Variants in PPFIA4 observed in about 807,000 individuals in gnomAD.
PPFIA4 encodes the protein PPFI scaffold protein A4.
PPFIA4 carries 98 observed loss-of-function variants against 145.7 expected under a neutral mutation model. The ratio of observed to expected loss-of-function variants is 0.67; its 90% CI spans 0.57 to 0.80. The LOEUF (loss-of-function observed/expected upper bound fraction) is 0.80. Ranked by LOEUF, PPFIA4 falls within the 30% of genes least tolerant of loss-of-function variation. The probability of loss-of-function intolerance (pLI) is 0.00; values close to 1 mark genes in which losing one functional copy is unlikely to be tolerated. For synonymous variants in PPFIA4, 628 were observed against 649.6 expected (o/e 0.97, Z 0.51); for missense variants, 1,457 against 1,632.7 (o/e 0.89, Z 1.85).
intron 1 of PPFIA4, among the ~76,000 whole-genome samples, chr1:203,032,132 C>G (rs558448830): frequency 6.6e-6 from 1 of 151,564 alleles, no homozygotes; most frequent in South Asian, 2.1e-4. Flanking sequence ...TCTTCATGGA[C>G]TTGGAATCCT....
intron 1 of PPFIA4, chr1:203,037,121 A>G: frequency 3.3e-6 from 1 of 303,226 alleles, no homozygotes; most frequent in Admixed American, 3.9e-5. Context: ...CCTCAGATCT[A>G]GACCCCACAT....
rs377169662 is a variant in PPFIA4, at chr1:203,053,890, C to T, written c.1758C>T (p.Ser586=). 1.8e-5 allele frequency: 28 copies of T among 1,563,866 alleles called. No homozygotes were observed. The highest frequency in any genetic ancestry group is 4.7e-5 in the South Asian group (4 of 84,764). The stretch of plus-strand genomic sequence containing the variant: ...GCTCTGCGGATGTTGTCTCCCCCAG[C>T]GGCCACTCAGATGCCCAGACCCTGG... ...LVGSADVVSP[S]GHSDAQTLAM... is the part of the protein sequence containing the mutation. Residue 586 remains serine, a synonymous_variant, in exon 15 of 30, where the codon AGC becomes AGT. Coordinates refer to ENST00000295706, the MANE Select transcript of PPFIA4 (RefSeq NM_001304331.2).
chr1:203,067,054 A>T (rs551157550), intron 25 of PPFIA4, among the ~76,000 whole-genome samples: 1 of 152,206 alleles, frequency 6.6e-6, no homozygotes, highest in Non-Finnish European at 1.5e-5. Flanking sequence ...AGTTGGACTG[A>T]GAAGGTGACA....
intron 18 of PPFIA4, 86 bp downstream of exon 18, chr1:203,056,594 C>A: frequency 6.7e-7 from 1 of 1,503,458 alleles, no homozygotes; most frequent in Non-Finnish European, 9.0e-7. Flanking sequence ...CCGCATCTCC[C>A]CTGTCCCAGT....
At chr1:203,056,239 G>A (rs1660936028) in intron 17 of PPFIA4, 84 bp downstream of exon 17, 11 of 1,604,022 alleles carry the variant, frequency 6.9e-6, no homozygotes, top group Non-Finnish European at 9.4e-6. Context: ...CAGGGCCCTT[G>A]AGTCTGAGTC....
Position 203,045,356 on chromosome 1 carries a change from C to T in PPFIA4, c.667-12C>T, listed in dbSNP as rs1367431551. The T allele has an allele frequency of 6.4e-7, 1 of 1,571,196 alleles. No individual in the cohort carries two copies. Among genetic ancestry groups the T allele is most frequent in the South Asian group, 1.2e-5 (1 of 83,138 alleles). On this transcript the variant is annotated splice_polypyrimidine_tract_variant and intron_variant, in intron 6 of 29. Transcript: ENST00000295706. Reference sequence around the variant, plus strand: ...GCTGTGACTCACAGAGCTACTGTCCCTATCCCTGGAGGAGGATACGGGCCG... The same window carrying T: ...GCTGTGACTCACAGAGCTACTGTCCTTATCCCTGGAGGAGGATACGGGCCG...
intron 28 of PPFIA4, among the ~76,000 whole-genome samples, chr1:203,073,468 A>G (rs1662308201): frequency 6.6e-6 from 1 of 152,158 alleles, no homozygotes; most frequent in Non-Finnish European, 1.5e-5. Flanking sequence ...TGGGAAGCGT[A>G]GAGTAGAAGC....
At chr1:203,038,146 A>T (rs1659435455) in intron 1 of PPFIA4, among the ~76,000 whole-genome samples, 1 of 152,188 alleles carries the variant, frequency 6.6e-6, no homozygotes, top group Non-Finnish European at 1.5e-5. Context: ...TAGGACTCAC[A>T]GCCACTCCCA....
intron 14 of PPFIA4, among the ~76,000 whole-genome samples, chr1:203,052,565 T>G (rs756119447): frequency 2.0e-5 from 3 of 152,140 alleles, no homozygotes; most frequent in Non-Finnish European, 4.4e-5. Flanking sequence ...CTCAGTCCGA[T>G]GGGGGAGTCA....
intron 1 of PPFIA4, among the ~76,000 whole-genome samples, chr1:203,033,821 T>TA (rs1217514396): frequency 1.3e-5 from 2 of 151,832 alleles, no homozygotes; most frequent in South Asian, 2.1e-4. Context: ...CTACTAAAAA[T>TA]AAAAAAAATA....
At chr1:203,054,164 C>T (rs373166121) in intron 15 of PPFIA4, 1 of 715,572 alleles carries the variant, frequency 1.4e-6, no homozygotes, top group African/African-American at 1.7e-5. Flanking sequence ...CAGGCTTCAC[C>T]TCCCCTCTCA....
At chr1:203,033,912 G>A (rs1659024763) in intron 1 of PPFIA4, among the ~76,000 whole-genome samples, 1 of 152,226 alleles carries the variant, frequency 6.6e-6, no homozygotes, top group African/African-American at 2.4e-5. Flanking sequence ...GAACCCGGGA[G>A]GTGGCCATGT....
In PPFIA4 at chr1:203,054,260, C is replaced by T. The variant is rs898641300; in HGVS notation, c.1829+299C>T. ...GATCTTAACCACTAAGAGTGTAGCT[C>T]CTGCTTACTGAGGCTAGCTCAGGGT... On this transcript the variant is annotated intron_variant, in intron 15 of 29. Coordinates refer to ENST00000295706, the MANE Select transcript of PPFIA4 (RefSeq NM_001304331.2). 18 of 614,504 alleles carry T rather than the reference C, an allele frequency of 2.9e-5. 1 individual carries two copies. In the South Asian group the frequency reaches 3.3e-4, roughly 11 times the overall value. The allele number at this position is 614,504 out of a possible 1,614,324, so 38.1% of individuals were successfully genotyped here.
At chr1:203,069,763 G>C (rs2364570) in intron 27 of PPFIA4, among the ~76,000 whole-genome samples, 59,098 of 104,190 alleles carry the variant, frequency 0.57, 14,251 homozygotes, top group Middle Eastern at 0.64. Context: ...TGACCCCCCC[G>C]CCCCGCCCCC....
At position 203,078,068 on chromosome 1, in the gene PPFIA4, G is replaced by A. The variant is rs550343518; in HGVS notation, c.*1678G>A. ...GGCTTAAAGCCCGCTGCTCCTTTTC[G>A]GTAGAGGAGAGGCCCATCACTGGTG... On this transcript the variant is annotated 3_prime_UTR_variant, in exon 30 of 30. Coordinates refer to ENST00000295706, the MANE Select transcript of PPFIA4 (RefSeq NM_001304331.2). The A allele has an allele frequency of 3.9e-5, 6 of 152,228 alleles. No individual in the cohort carries two copies. Among genetic ancestry groups the A allele is most frequent in the South Asian group, 2.1e-4 (1 of 4,828 alleles). The allele number at this position is 152,228 out of a possible 1,614,324, so 9.4% of individuals were successfully genotyped here.
rs762369228 is a variant in PPFIA4, at chr1:203,048,001, C to T, written c.1141-226C>T. The stretch of plus-strand genomic sequence containing the variant: ...AGCTTCAGGATGTTTTAAGGCTAGG[C>T]CTGAGCGAGGAGGAGGCAGGGGAGA... On this transcript the variant is annotated intron_variant, in intron 9 of 29. Coordinates refer to ENST00000295706, the MANE Select transcript of PPFIA4 (RefSeq NM_001304331.2). This position sits in a 1 kb window ranked among gnomAD's most constrained non-coding sequence, Gnocchi z 5.8. 3.9e-5 allele frequency among the ~76,000 whole-genome samples: 6 copies of T among 152,164 alleles called. No homozygotes were observed. The highest frequency in any genetic ancestry group is 6.5e-5 in the Admixed American group (1 of 15,288).
intron 13 of PPFIA4, among the ~76,000 whole-genome samples, chr1:203,050,802 C>T (rs763156491): frequency 2.6e-5 from 4 of 151,792 alleles, no homozygotes; most frequent in Non-Finnish European, 5.9e-5. Context: ...CTACTTCTCC[C>T]ATCCTGACCA....
In PPFIA4 at chr1:203,045,480, A is replaced by G; in HGVS notation, c.779A>G (p.Glu260Gly). 6.2e-7 allele frequency: 1 copy of G among 1,609,172 alleles called. No homozygotes were observed. The highest frequency in any genetic ancestry group is 8.5e-7 in the Non-Finnish European group (1 of 1,178,452). ...VTLTTTVTELEEDLGTARRDL... is the reference protein window; with the variant it reads ...VTLTTTVTELGEDLGTARRDL... ...CTAACAACAACCGTGACTGAACTCG[A>G]GGAGGACCTGGGCACGGCCCGCCGG... The change falls in exon 7 of 30, where the codon GAG (glutamate) becomes GGG (glycine). Residue 260 changes from glutamate (E) to glycine (G), a missense_variant. By Grantham distance (98) the Glu-to-Gly change is moderately conservative. This residue lies in a region of PPFIA4 where 463 missense variants were observed against 459.8 expected (regional missense o/e 1.01). Transcript: ENST00000295706.
rs181210648 is a variant in PPFIA4, at chr1:203,041,447, C to T, written c.235-1950C>T. On this transcript the variant is annotated intron_variant, in intron 2 of 29. Coordinates refer to ENST00000295706, the MANE Select transcript of PPFIA4 (RefSeq NM_001304331.2). Reference sequence around the variant, plus strand: ...TCTCTACAAAAATCCCCAAAATTAGCTGGGCATGGTGGCAAATGCCTATGC... The same window carrying T: ...TCTCTACAAAAATCCCCAAAATTAGTTGGGCATGGTGGCAAATGCCTATGC... Among the ~76,000 whole-genome samples the T allele has an allele frequency of 1.5e-3, 233 of 152,318 alleles. 1 individual carries two copies. Among genetic ancestry groups the T allele is most frequent in the Admixed American group, 2.7e-3 (42 of 15,292 alleles).
Sources: allele counts gnomAD v4.1 joint callset (sites outside exome capture counted in the v4.1 genomes callset), GRCh38; gene constraint gnomAD v4.1.1; regional missense constraint gnomAD v4.1.1; non-coding constraint Gnocchi (gnomAD v3.1); transcripts MANE v1.5; gene names NCBI Gene and HGNC (gene_info 2026-07-23, HGNC 2026-07-21).